The following CLIP1 variants were observed in gnomAD, a reference collection of about 807,000 sequenced individuals.
CLIP1 encodes the protein CAP-Gly domain containing linker protein 1, also known as CAP-Gly domain-containing linker protein 1.
CLIP1 carries 66 observed loss-of-function variants against 161.6 expected under a neutral mutation model. The ratio of observed to expected loss-of-function variants is 0.41; its 90% CI spans 0.33 to 0.50. The LOEUF (loss-of-function observed/expected upper bound fraction) is 0.50. Ranked by LOEUF, CLIP1 falls within the 20% of genes least tolerant of loss-of-function variation. CLIP1 has a pLI of 0.27. For synonymous variants in CLIP1, 598 were observed against 626.2 expected, an observed-to-expected ratio of 0.96 and a Z score of 0.67; for missense variants, 1,376 against 1,702.0, an observed-to-expected ratio of 0.81 and a Z score of 3.37.
intron 1 of CLIP1, among the ~76,000 whole-genome samples, chr12:122,392,827 G>T (rs113784156): frequency 0.076 from 11,507 of 151,946 alleles, 1,426 homozygotes; most frequent in African/African-American, 0.26. Context: ...TGTTGCCCAG[G>T]CTGGAGTGCA....
intron 5 of CLIP1, among the ~76,000 whole-genome samples, chr12:122,358,349 A>G (rs1953597610): frequency 6.6e-6 from 1 of 151,474 alleles, no homozygotes; most frequent in Admixed American, 6.6e-5. Flanking sequence ...ACCTTTGTTT[A>G]CTTGTTTATC....
At chr12:122,371,887 C>T (rs1280626812) in intron 3 of CLIP1, among the ~76,000 whole-genome samples, 1 of 152,324 alleles carries the variant, frequency 6.6e-6, no homozygotes, top group East Asian at 1.9e-4. Flanking sequence ...AGCTGCTTAA[C>T]GCAGCTTCTC....
chr12:122,409,054 G>A (rs553620915), intron 1 of CLIP1, among the ~76,000 whole-genome samples: 3 of 151,484 alleles, frequency 2.0e-5, no homozygotes, highest in Non-Finnish European at 4.4e-5. Context: ...CGGGTGATCC[G>A]CCCGCCTTGG....
intron 9 of CLIP1, among the ~76,000 whole-genome samples, chr12:122,348,646 C>T (rs1469872216): frequency 1.3e-5 from 2 of 152,168 alleles, no homozygotes; most frequent in Admixed American, 6.5e-5. Context: ...CCCACCCCCA[C>T]CTCTCTTACA....
rs538784514 is a variant in CLIP1 at position 122,385,985 on chromosome 12, G to A, written c.-106-5427C>T. Among the ~76,000 whole-genome samples, 7 of 152,200 alleles carry A rather than the reference G, an allele frequency of 4.6e-5. No homozygotes were observed. In the South Asian group the frequency reaches 1.5e-3, roughly 32 times the overall value. ...GAGTTTAAAGAGTTTGGGATGGAAA[G>A]AAATCAAGAATTGGGCTCGGCCGGG... On this transcript the variant is annotated intron_variant, in intron 1 of 25. Coordinates refer to ENST00000620786, the MANE Select transcript of CLIP1 (RefSeq NM_001247997.2).
chr12:122,319,342 G>C lies in CLIP1; in HGVS notation c.3256C>G (p.Gln1086Glu). The C allele has an allele frequency of 1.9e-6, 3 of 1,612,582 alleles. No individual in the cohort carries two copies. The highest frequency in any genetic ancestry group is 1.7e-4 in the Middle Eastern group (1 of 6,060). ...RKQADKAKAA[Q>E]TAEDAMQIME... The stretch of plus-strand genomic sequence containing the variant: ...ATCTGCATGGCATCTTCCGCTGTTT[G>C]AGCAGCCTAAATACAAGGAAACACT... Residue 1086 changes from glutamine to glutamate, a missense_variant, in exon 18 of 26, where the codon CAA becomes GAA. Gln to Glu is a conservative substitution (Grantham distance 29). Around this residue, in one of 6 missense-constraint regions of CLIP1, gnomAD observed 948 missense variants for 1,134.8 expected, o/e 0.84. Transcript: ENST00000620786.
chr12:122,377,416 T>C lies in CLIP1; in HGVS notation c.630A>G (p.Arg210=). The C allele has an allele frequency of 6.2e-7, 1 of 1,614,040 alleles. No individual in the cohort carries two copies. The highest frequency in any genetic ancestry group is 8.5e-7 in the Non-Finnish European group (1 of 1,179,970). ...ATACTCTGTCTCCGATTTTGAGCTC[T>C]CTTTCTCCTTTCTTGATTGAGCCAG... ...SEAGSIKKGE[R]ELKIGDRVLV... The change falls in exon 3 of 26, where the codon AGA becomes AGG. Residue 210 remains arginine (R), a synonymous_variant. Transcript: ENST00000620786.
At chr12:122,387,663 G>A (rs1400148311) in intron 1 of CLIP1, among the ~76,000 whole-genome samples, 2 of 136,328 alleles carry the variant, frequency 1.5e-5, no homozygotes, top group African/African-American at 5.6e-5. Flanking sequence ...GCAGTGGCAC[G>A]ATCACAGCTC....
rs143346844 is a variant in CLIP1 at position 122,349,638 on chromosome 12, A to T, written c.1401+1473T>A. Among the ~76,000 whole-genome samples the T allele has an allele frequency of 3.8e-3, 575 of 152,350 alleles. 2 individuals are homozygous for T. Among genetic ancestry groups the T allele is most frequent in the African/African-American group, 0.013 (550 of 41,582 alleles). On this transcript the variant is annotated intron_variant, in intron 9 of 25. Coordinates refer to ENST00000620786, the MANE Select transcript of CLIP1 (RefSeq NM_001247997.2). ...ACTGAACAGGACAACCCTTCTTGTA[A>T]AATCATTCCTTTCTTAGAATAAGAA...
At chr12:122,314,342 G>A (rs914202098) in intron 19 of CLIP1, among the ~76,000 whole-genome samples, 19 of 151,102 alleles carry the variant, frequency 1.3e-4, no homozygotes, top group African/African-American at 2.7e-4. Context: ...ATGGCGACGC[G>A]CGCCTGTAAT....
At chr12:122,304,807 A>G (rs970055397) in intron 20 of CLIP1, among the ~76,000 whole-genome samples, 3 of 152,230 alleles carry the variant, frequency 2.0e-5, no homozygotes, top group Non-Finnish European at 4.4e-5. Context: ...AATCAGCCCT[A>G]GTTGCCCAGA....
At chr12:122,393,707 T>G in intron 1 of CLIP1, among the ~76,000 whole-genome samples, 1 of 151,822 alleles carries the variant, frequency 6.6e-6, no homozygotes, top group East Asian at 1.9e-4. Context: ...AGGTCAGTAG[T>G]TCGAGACCAG....
intron 1 of CLIP1, among the ~76,000 whole-genome samples, chr12:122,412,060 C>CTTTT (rs71082989): frequency 7.4e-5 from 6 of 81,578 alleles, no homozygotes; most frequent in East Asian, 3.8e-4. Flanking sequence ...CAGTTATTTT[C>CTTTT]TTTTTTTTTT....
In CLIP1 at chr12:122,336,679, C is replaced by T. The variant is rs1481047856; in HGVS notation, c.2521G>A (p.Glu841Lys). Residue 841 changes from glutamate (E) to lysine (K), a missense_variant, in exon 12 of 26, where the codon GAA (glutamate) becomes AAA (lysine). Glu to Lys is a moderately conservative substitution (Grantham distance 56, BLOSUM62 1). Transcript: ENST00000620786. ...KLTNLQENLS[E>K]VSQVKETLEK... Reference sequence around the variant, plus strand: ...AAAGTCTCTTTCACTTGACTGACTTCACTCAAATTTTCCTGAAGGTTAGTA... The same window carrying T: ...AAAGTCTCTTTCACTTGACTGACTTTACTCAAATTTTCCTGAAGGTTAGTA... 6.2e-7 allele frequency: 1 copy of T among 1,612,374 alleles called. No homozygotes were observed. Among genetic ancestry groups the T allele is most frequent in the Non-Finnish European group, 8.5e-7 (1 of 1,179,166 alleles).
intron 20 of CLIP1, among the ~76,000 whole-genome samples, chr12:122,290,134 C>T (rs1010590113): frequency 6.6e-5 from 10 of 152,186 alleles, no homozygotes; most frequent in Non-Finnish European, 1.2e-4. Flanking sequence ...AAGTTACTAG[C>T]TCACTCTAAG....
At position 122,341,268 on chromosome 12, in the gene CLIP1, T is replaced by G. The variant is rs753731708; in HGVS notation, c.1936A>C (p.Ser646Arg). 1 of 1,614,074 alleles carries G rather than the reference T, an allele frequency of 6.2e-7. No homozygotes were observed. Among genetic ancestry groups the G allele is most frequent in the South Asian group, 1.1e-5 (1 of 91,072 alleles). The change falls in exon 11 of 26, where the codon AGC (serine) becomes CGC (arginine). Residue 646 changes from serine (S) to arginine (R), a missense_variant. Transcript: ENST00000620786. The part of the protein sequence containing the change: ...QAMEELKVSF[S>R]KGLGTETAEF... ...GCCGTCTCTGTTCCAAGCCCTTTGC[T>G]GAAAGATACCTTCAGTTCTTCCATC...
chr12:122,351,233 TATTTG>T (rs748030763), intron 8 of CLIP1, 90 bp from the exon 9 acceptor site: 7 of 796,062 alleles, frequency 8.8e-6, no homozygotes, highest in Non-Finnish European at 1.3e-5. Context: ...AAGATAACTT[TATTTG>T]ATTAATTTCA....
At chr12:122,383,353 A>G (rs1955091443) in intron 1 of CLIP1, among the ~76,000 whole-genome samples, 1 of 152,258 alleles carries the variant, frequency 6.6e-6, no homozygotes, top group Non-Finnish European at 1.5e-5. Flanking sequence ...AACGGCCACA[A>G]GACCTAACAA....
intron 1 of CLIP1, among the ~76,000 whole-genome samples, chr12:122,416,170 G>A (rs1956749314): frequency 6.6e-6 from 1 of 152,188 alleles, no homozygotes; most frequent in Admixed American, 6.6e-5. Context: ...CCGGGAGGCA[G>A]AGGTTGCAGT....
Sources: gnomAD v4.1 joint callset for allele counts (sites outside exome capture counted in the v4.1 genomes callset) on GRCh38, gnomAD v4.1.1 for gene constraint, gnomAD v4.1.1 regional missense constraint, MANE v1.5 for transcripts, NCBI Gene and HGNC (gene_info 2026-07-23, HGNC 2026-07-21) for gene names.